Variants in PDLIM1 observed in about 807,000 individuals in gnomAD.
The protein encoded by PDLIM1 is PDZ and LIM domain protein 1.
PDLIM1 carries 25 observed loss-of-function variants against 35.2 expected under a neutral mutation model. The ratio of observed to expected loss-of-function variants is 0.71; its 90% confidence interval spans 0.52 to 0.99. The LOEUF is 0.99. Among genes scored for constraint, PDLIM1 ranks in the 50% least tolerant of loss-of-function variants. PDLIM1 has a pLI of 0.00. For synonymous variants in PDLIM1, 152 were observed against 154.0 expected (o/e 0.99, Z 0.10); for missense variants, 363 against 415.3 (o/e 0.87, Z 1.09).
At chr10:95,253,353 A>G (rs998844192) in intron 4 of PDLIM1, among the ~76,000 whole-genome samples, 1 of 152,188 alleles carries the variant, frequency 6.6e-6, no homozygotes. Flanking sequence ...TCTCTAGCAA[A>G]GCTACCCTAA....
intron 4 of PDLIM1, among the ~76,000 whole-genome samples, chr10:95,252,476 T>C (rs183867264): frequency 3.9e-5 from 6 of 152,284 alleles, no homozygotes; most frequent in Non-Finnish European, 7.4e-5. Context: ...TCTAATAACA[T>C]AGTAACAAGA....
intron 1 of PDLIM1, among the ~76,000 whole-genome samples, chr10:95,274,442 A>C (rs1418384742): frequency 6.6e-6 from 1 of 151,860 alleles, no homozygotes; most frequent in Non-Finnish European, 1.5e-5. Flanking sequence ...TACAGGCTGC[A>C]CCACCATGCC....
Position 95,274,701 on chromosome 10 carries a change from A to G in PDLIM1, c.97-2917T>C, listed in dbSNP as rs74153821. ...TTGTTTAATGTTGAAAGGCCTACTCAGCAGTAAGGTGCATGAGGGCAGGAT... is the reference window on the plus strand; with the variant it reads ...TTGTTTAATGTTGAAAGGCCTACTCGGCAGTAAGGTGCATGAGGGCAGGAT... On this transcript the variant is annotated intron_variant, in intron 1 of 6. Coordinates refer to ENST00000329399, the MANE Select transcript of PDLIM1 (RefSeq NM_020992.4). Among the ~76,000 whole-genome samples the G allele has an allele frequency of 8.8e-3, 1,334 of 152,284 alleles. 26 individuals are homozygous for G. Among genetic ancestry groups the G allele is most frequent in the African/African-American group, 0.031 (1,272 of 41,554 alleles).
In PDLIM1 at chr10:95,290,014, G is replaced by A. The variant is rs572448624; in HGVS notation, c.96+806C>T. On this transcript the variant is annotated intron_variant, in intron 1 of 6. Transcript: ENST00000329399. The surrounding 1 kb of genome is among the most constrained non-coding windows in gnomAD (Gnocchi z 4.7). ...GTTTCACTTTATTAGGGGGGCAATG[G>A]TTCTGGTGGCCCCTGATTCAACGTG... Among the ~76,000 whole-genome samples, 1 of 152,306 alleles carries A rather than the reference G, an allele frequency of 6.6e-6. No individual in the cohort carries two copies. The highest frequency in any genetic ancestry group is 2.1e-4 in the South Asian group (1 of 4,824).
intron 3 of PDLIM1, 52 bp from the exon 4 acceptor site, chr10:95,264,115 C>T (rs746293045): frequency 1.3e-6 from 2 of 1,491,994 alleles, no homozygotes; most frequent in Non-Finnish European, 1.9e-6. Context: ...ATGCAAACCC[C>T]TTGATGGGCA....
chr10:95,242,944 C>T (rs11596107), intron 5 of PDLIM1, among the ~76,000 whole-genome samples: 62,590 of 151,950 alleles, frequency 0.41, 13,737 homozygotes, highest in Middle Eastern at 0.62. Flanking sequence ...TCAATGAGGT[C>T]GGGCTCTCTT....
chr10:95,256,311 C>A (rs1418843203), intron 4 of PDLIM1, among the ~76,000 whole-genome samples: 2 of 152,154 alleles, frequency 1.3e-5, no homozygotes, highest in South Asian at 4.1e-4. Flanking sequence ...CTATCAAAAC[C>A]CTAATGGCAT....
intron 4 of PDLIM1, among the ~76,000 whole-genome samples, chr10:95,254,989 A>T (rs2035297790): frequency 6.6e-6 from 1 of 152,164 alleles, no homozygotes; most frequent in African/African-American, 2.4e-5. Flanking sequence ...AAATAAGGAT[A>T]ATAACAGACT....
chr10:95,273,825 T>G (rs2035488190), intron 1 of PDLIM1, among the ~76,000 whole-genome samples: 2 of 152,196 alleles, frequency 1.3e-5, no homozygotes, highest in African/African-American at 4.8e-5. Context: ...TCCTCCGTTT[T>G]CTGACCTGTT....
chr10:95,258,192 C>T (rs2035332698), intron 4 of PDLIM1, among the ~76,000 whole-genome samples: 1 of 152,012 alleles, frequency 6.6e-6, no homozygotes, highest in Admixed American at 6.5e-5. Context: ...AATTACCTCA[C>T]ACTTCGTCCC....
chr10:95,280,474 G>A (rs747127543), intron 1 of PDLIM1, among the ~76,000 whole-genome samples: 1 of 152,180 alleles, frequency 6.6e-6, no homozygotes, highest in Non-Finnish European at 1.5e-5. Flanking sequence ...GTTATGGAAA[G>A]CATGATTATA....
At chr10:95,247,166 C>G in intron 5 of PDLIM1, 49 bp downstream of exon 5, 1 of 1,553,166 alleles carries the variant, frequency 6.4e-7, no homozygotes, top group Non-Finnish European at 8.8e-7. Flanking sequence ...GACTGACTCT[C>G]ACATCTGACC....
At chr10:95,284,723 G>A (rs1589521179) in intron 1 of PDLIM1, among the ~76,000 whole-genome samples, 1 of 152,080 alleles carries the variant, frequency 6.6e-6, no homozygotes, top group Non-Finnish European at 1.5e-5. Flanking sequence ...TACTTGATAC[G>A]AATGGTCGTG....
intron 4 of PDLIM1, among the ~76,000 whole-genome samples, chr10:95,255,900 T>TACACACACACACACACACACAC (rs59292355): frequency 1.4e-5 from 2 of 138,880 alleles, no homozygotes; most frequent in African/African-American, 2.7e-5. Context: ...CCCCCCCCAC[T>TACACACACACACACACACACAC]ACACACACAC....
chr10:95,239,946 G>A (rs757083480), intron 5 of PDLIM1, among the ~76,000 whole-genome samples: 2 of 152,034 alleles, frequency 1.3e-5, no homozygotes, highest in Non-Finnish European at 1.5e-5. Flanking sequence ...ATGAGATACC[G>A]ACTCACGCCA....
intron 6 of PDLIM1, 109 bp from the exon 7 acceptor site, chr10:95,238,220 G>A: frequency 2.1e-6 from 2 of 971,590 alleles, no homozygotes; most frequent in South Asian, 3.4e-5. Context: ...CTTCTCCCCA[G>A]GAACCCATCA....
At chr10:95,254,561 C>A (rs2133418613) in intron 4 of PDLIM1, among the ~76,000 whole-genome samples, 1 of 152,150 alleles carries the variant, frequency 6.6e-6, no homozygotes, top group East Asian at 1.9e-4. Context: ...ACTTCTATAC[C>A]CCTCTCTTAA....
At chr10:95,280,831 A>G (rs45455900) in intron 1 of PDLIM1, among the ~76,000 whole-genome samples, 1 of 152,222 alleles carries the variant, frequency 6.6e-6, no homozygotes, top group African/African-American at 2.4e-5. Context: ...CTCAGGCCAG[A>G]AATCAACCCC....
intron 5 of PDLIM1, among the ~76,000 whole-genome samples, chr10:95,245,223 T>TG (rs1199119069): frequency 7.2e-5 from 11 of 152,144 alleles, no homozygotes; most frequent in African/African-American, 2.4e-4. Context: ...AAGAGTAGTG[T>TG]GGGACTTCTG....
Sources: allele counts gnomAD v4.1 joint callset (sites outside exome capture counted in the v4.1 genomes callset), GRCh38; gene constraint gnomAD v4.1.1; non-coding constraint Gnocchi (gnomAD v3.1); transcripts MANE v1.5; gene names NCBI Gene and HGNC (gene_info 2026-07-23, HGNC 2026-07-21).